BAHCC1: variants seen among roughly 807,000 people sequenced by gnomAD.
The protein encoded by BAHCC1 is BAH domain and coiled-coil containing 1, also known as BAH and coiled-coil domain-containing protein 1.
Under a neutral mutation model 88.2 loss-of-function variants are expected in BAHCC1, and 43 were observed. That is an observed-to-expected ratio of 0.49 (90% confidence interval 0.38 to 0.63). The LOEUF is 0.63. Among genes scored for constraint, BAHCC1 ranks in the 20% least tolerant of loss-of-function variants. The pLI, the probability that BAHCC1 is intolerant of heterozygous loss-of-function variation, is 0.00. For missense variants in BAHCC1, 3,023 were observed against 1,654.8 expected (o/e 1.83, Z -14.34); for synonymous variants, 1,510 against 745.5 (o/e 2.03, Z -16.71).
chr17:81,439,691 T>C (rs1164183756), intron 4 of BAHCC1, among the ~76,000 whole-genome samples: 1 of 151,162 alleles, frequency 6.6e-6, no homozygotes, highest in Non-Finnish European at 1.5e-5. Context: ...CCCTGGCGTT[T>C]AGGGCTGGAG....
chr17:81,458,522 C>T (rs553619158), intron 18 of BAHCC1, 56 bp downstream of exon 18: 5 of 646,584 alleles, frequency 7.7e-6, no homozygotes, highest in African/African-American at 1.9e-5. Flanking sequence ...TGAGGAAAGG[C>T]CTTCCCCGCC....
At position 81,463,230 on chromosome 17, in the gene BAHCC1, G is replaced by A. The variant is rs116668803; in HGVS notation, c.7620+254G>A. Among the ~76,000 whole-genome samples the A allele has an allele frequency of 7.3e-3, 1,113 of 152,278 alleles. 13 individuals carry two copies. The highest frequency in any genetic ancestry group is 0.025 in the African/African-American group (1,046 of 41,550). On this transcript the variant is annotated intron_variant, in intron 27 of 27. Transcript: ENST00000675386. ...CATCCGGCAGGTCTAGTTCACTCCT[G>A]GGATGTGTGGCGGCCCCCACCCCGT...
In BAHCC1 at chr17:81,435,281, C is replaced by T. The variant is rs1247561054; in HGVS notation, c.359-3089C>T. Among the ~76,000 whole-genome samples the T allele has an allele frequency of 6.6e-6, 1 of 152,130 alleles. No homozygotes were observed. On this transcript the variant is annotated intron_variant, in intron 3 of 27. Transcript: ENST00000675386. The surrounding 1 kb of genome is among the most constrained non-coding windows in gnomAD (Gnocchi z 4.4). ...ACGCGTGGCCCCCTGGCTTTACTAA[C>T]CCATCAGGTGCCTGTGGCTTTGAGC...
chr17:81,415,706 C>T (rs1364780231), intron 2 of BAHCC1: 4 of 365,090 alleles, frequency 1.1e-5, no homozygotes, highest in Non-Finnish European at 2.1e-5. Context: ...CTCTCCCGGC[C>T]AACATAGCCA....
Position 81,457,494 on chromosome 17 carries a change from G to T in BAHCC1, c.4943G>T (p.Gly1648Val). Reference protein sequence around the residue: ...PREAGLLLHTGASVAVLGPSP... With the variant: ...PREAGLLLHTVASVAVLGPSP... ...GAAGCAGGGCTGCTGCTGCACACCG[G>T]GGCCAGTGTGGCCGTGCTGGGGCCC... Residue 1648 changes from glycine (G) to valine (V), a missense_variant, in exon 17 of 28, where the codon GGG becomes GTG. Coordinates refer to ENST00000675386, the MANE Select transcript of BAHCC1 (RefSeq NM_001377448.1). 1.3e-6 allele frequency: 1 copy of T among 762,862 alleles called. No homozygotes were observed. The allele number at this position is 762,862 out of a possible 1,614,324, so 47.3% of individuals were successfully genotyped here.
chr17:81,429,574 T>C (rs1422851903), intron 3 of BAHCC1, among the ~76,000 whole-genome samples: 2 of 152,214 alleles, frequency 1.3e-5, no homozygotes, highest in Non-Finnish European at 2.9e-5. Context: ...CGGGCCTGTT[T>C]CTCTGCCGTG....
At chr17:81,426,363 G>T (rs2064198607) in intron 2 of BAHCC1, among the ~76,000 whole-genome samples, 6 of 149,124 alleles carry the variant, frequency 4.0e-5, no homozygotes, top group African/African-American at 4.9e-5. Flanking sequence ...GTGGTTGGGG[G>T]TGATAGTGGT....
intron 3 of BAHCC1, among the ~76,000 whole-genome samples, chr17:81,432,607 C>CCATCGCCGG (rs2064276467): frequency 2.3e-5 from 3 of 131,254 alleles, no homozygotes; most frequent in Non-Finnish European, 3.3e-5. Context: ...ACCCAACCTC[C>CCATCGCCGG]GTCCCCAGCC....
intron 27 of BAHCC1, 80 bp downstream of exon 27, chr17:81,463,056 C>G: frequency 2.9e-6 from 2 of 691,594 alleles, no homozygotes; most frequent in African/African-American, 3.5e-5. Context: ...CACTGTGCCC[C>G]AACACGGAGC....
At position 81,399,165 on chromosome 17, in the gene BAHCC1, G is replaced by T. The variant is rs1555645443; in HGVS notation, c.-206-369G>T. The T allele has an allele frequency of 2.4e-6, 1 of 409,406 alleles. No homozygotes were observed. The highest frequency in any genetic ancestry group is 4.9e-6 in the Non-Finnish European group (1 of 203,174). The allele number at this position is 409,406 out of a possible 1,614,324, so 25.4% of individuals were successfully genotyped here. Reference sequence around the variant, plus strand: ...TGTGTGTGTGTGTGCGAGTGTGCGTGATGGCTTCGCAGATTTGGGTTTTTA... The same window carrying T: ...TGTGTGTGTGTGTGCGAGTGTGCGTTATGGCTTCGCAGATTTGGGTTTTTA... On this transcript the variant is annotated intron_variant, in intron 1 of 27. Coordinates refer to ENST00000675386, the MANE Select transcript of BAHCC1 (RefSeq NM_001377448.1). This position sits in a 1 kb window ranked among gnomAD's most constrained non-coding sequence, Gnocchi z 4.5.
intron 2 of BAHCC1, among the ~76,000 whole-genome samples, chr17:81,420,488 T>C (rs2064103469): frequency 6.6e-6 from 1 of 152,372 alleles, no homozygotes; most frequent in East Asian, 1.9e-4. Context: ...TGGCTGGACC[T>C]TGGGCTCCGG....
chr17:81,414,250 T>A (rs2063991153), intron 2 of BAHCC1, among the ~76,000 whole-genome samples: 1 of 152,192 alleles, frequency 6.6e-6, no homozygotes, highest in African/African-American at 2.4e-5. Context: ...GGCACCTCCT[T>A]CAGCGAGGGC....
intron 2 of BAHCC1, among the ~76,000 whole-genome samples, chr17:81,405,866 G>A (rs782626838): frequency 1.3e-5 from 2 of 152,190 alleles, no homozygotes; most frequent in African/African-American, 2.4e-5. Context: ...ACGCCCCACC[G>A]GAGAGTCTCC....
At chr17:81,413,031 C>A in intron 2 of BAHCC1, 1 of 340,724 alleles carries the variant, frequency 2.9e-6, no homozygotes, top group Non-Finnish European at 6.1e-6. Context: ...TCCACATCCT[C>A]TTTCTAGAAA....
rs1482242811 is a variant in BAHCC1, at chr17:81,442,785, CCTT to C, written c.1438_1440del (p.Phe480del). 12 of 779,442 alleles carry C rather than the reference CCTT, an allele frequency of 1.5e-5. No individual in the cohort carries two copies. Among genetic ancestry groups the C allele is most frequent in the Non-Finnish European group, 2.4e-5 (10 of 417,914 alleles). The allele number at this position is 779,442 out of a possible 1,614,324, so 48.3% of individuals were successfully genotyped here. ...CTCAGCAGCGCAGGCCCCGAGGCCTCCTTCCCCGGACTCCCTAAAAGCGGTCTG... is the reference window on the plus strand; with the variant it reads ...CTCAGCAGCGCAGGCCCCGAGGCCTCCCCCGGACTCCCTAAAAGCGGTCTG... On this transcript the variant is annotated inframe_deletion, in exon 5 of 28. Transcript: ENST00000675386.
intron 2 of BAHCC1, chr17:81,413,284 A>G (rs744263): frequency 4.4e-5 from 10 of 227,594 alleles, no homozygotes; most frequent in African/African-American, 1.7e-4. Flanking sequence ...CCTCTGCCCC[A>G]TGCCCTCGGC....
At position 81,456,388 on chromosome 17, in the gene BAHCC1, G is replaced by A. The variant is rs1280470099; in HGVS notation, c.4661G>A (p.Ser1554Asn). The change falls in exon 16 of 28, where the codon AGC (serine) becomes AAC (asparagine). Residue 1554 changes from serine to asparagine, a missense_variant. Coordinates refer to ENST00000675386, the MANE Select transcript of BAHCC1 (RefSeq NM_001377448.1). ...RVAQLKPKVKSKGLPTGLSSF... is the reference protein window; with the variant it reads ...RVAQLKPKVKNKGLPTGLSSF... Reference sequence around the variant, plus strand: ...GCCCAGCTGAAACCCAAGGTCAAGAGCAAAGGGCTGCCCACAGGCCTCAGC... The same window carrying A: ...GCCCAGCTGAAACCCAAGGTCAAGAACAAAGGGCTGCCCACAGGCCTCAGC... The A allele has an allele frequency of 1.4e-6, 1 of 723,332 alleles. No individual in the cohort carries two copies. The highest frequency in any genetic ancestry group is 1.7e-5 in the African/African-American group (1 of 57,604). The allele number at this position is 723,332 out of a possible 1,614,324, so 44.8% of individuals were successfully genotyped here. A position where few individuals can be genotyped will look rare whatever the true frequency, so the allele number is the denominator to read the frequency against.
At chr17:81,409,493 A>G (rs782662290) in intron 2 of BAHCC1, among the ~76,000 whole-genome samples, 1 of 152,196 alleles carries the variant, frequency 6.6e-6, no homozygotes, top group Non-Finnish European at 1.5e-5. Flanking sequence ...GGTGGGGGCC[A>G]GTTCCTTTTC....
At chr17:81,429,779 G>A (rs1220094228) in intron 3 of BAHCC1, among the ~76,000 whole-genome samples, 1 of 152,208 alleles carries the variant, frequency 6.6e-6, no homozygotes, top group Non-Finnish European at 1.5e-5. Context: ...GGCTTTCGTT[G>A]AGGGTAGGTA....
Sources: allele counts gnomAD v4.1 joint callset (sites outside exome capture counted in the v4.1 genomes callset), GRCh38; gene constraint gnomAD v4.1.1; non-coding constraint Gnocchi (gnomAD v3.1); transcripts MANE v1.5; gene names NCBI Gene and HGNC (gene_info 2026-07-23, HGNC 2026-07-21).